The following ST8SIA5 variants were observed in gnomAD, a reference collection of about 807,000 sequenced individuals.
ST8SIA5 encodes alpha-2,8-sialyltransferase 8E.
ST8SIA5 carries 24 observed loss-of-function variants against 40.2 expected under a neutral mutation model. That is an observed-to-expected ratio of 0.60 (90% CI 0.43 to 0.84). The LOEUF (loss-of-function observed/expected upper bound fraction) is 0.84. ST8SIA5 is among the 40% of genes least tolerant of loss of function. ST8SIA5 has a pLI of 0.00. For synonymous variants in ST8SIA5, 198 were observed against 201.8 expected (o/e 0.98, Z 0.16); for missense variants, 465 against 498.5 (o/e 0.93, Z 0.64).
chr18:46,686,478 T>C (rs1285519662), intron 4 of ST8SIA5, among the ~76,000 whole-genome samples, 192 bp from the exon 5 acceptor site: 2 of 152,174 alleles, frequency 1.3e-5, no homozygotes, highest in African/African-American at 2.4e-5. Flanking sequence ...TACTATTAGA[T>C]GGCACCAAAG....
chr18:46,725,909 T>TC, intron 1 of ST8SIA5, among the ~76,000 whole-genome samples: 1 of 136,324 alleles, frequency 7.3e-6, no homozygotes, highest in Non-Finnish European at 1.5e-5. Flanking sequence ...TCACTTGAGG[T>TC]CAGGAGTTTG....
intron 1 of ST8SIA5, among the ~76,000 whole-genome samples, chr18:46,748,648 C>T (rs1439742227): frequency 6.6e-6 from 1 of 151,296 alleles, no homozygotes; most frequent in Non-Finnish European, 1.5e-5. Flanking sequence ...AAAGATGCTC[C>T]ACATCATTAG....
At chr18:46,743,111 A>C (rs1440270685) in intron 1 of ST8SIA5, among the ~76,000 whole-genome samples, 1 of 152,260 alleles carries the variant, frequency 6.6e-6, no homozygotes, top group Non-Finnish European at 1.5e-5. Flanking sequence ...GGGAGAAGCC[A>C]GAGCAGAAAA....
chr18:46,702,620 C>T (rs1242352325), intron 2 of ST8SIA5, among the ~76,000 whole-genome samples: 1 of 152,230 alleles, frequency 6.6e-6, no homozygotes, highest in Non-Finnish European at 1.5e-5. Flanking sequence ...CTGGAGTCCT[C>T]CTGGCCTAGT....
At chr18:46,746,134 G>T (rs2040137994) in intron 1 of ST8SIA5, among the ~76,000 whole-genome samples, 1 of 152,152 alleles carries the variant, frequency 6.6e-6, no homozygotes, top group Non-Finnish European at 1.5e-5. Context: ...AAAACTGGGA[G>T]CATTCCCTTT....
intron 3 of ST8SIA5, 144 bp downstream of exon 3, chr18:46,692,025 T>C (rs1481598936): frequency 1.8e-5 from 14 of 777,168 alleles, no homozygotes; most frequent in Non-Finnish European, 2.8e-5. Context: ...TCTCCCCCAC[T>C]GCCCGGATTC....
rs1403227153 is a variant in ST8SIA5, at chr18:46,756,766, G to A, written c.-258C>T. ...CGGCCAGGGGCCTTCCCCACCCCCG[G>A]GTACCTTTACCTCCAGGCGCCGGTG... On this transcript the variant is annotated 5_prime_UTR_variant, in exon 1 of 7. Coordinates refer to ENST00000315087, the MANE Select transcript of ST8SIA5 (RefSeq NM_013305.6). The A allele has an allele frequency of 6.9e-6, 3 of 431,868 alleles. No individual in the cohort carries two copies. Among genetic ancestry groups the A allele is most frequent in the Non-Finnish European group, 1.2e-5 (3 of 246,808 alleles). The allele number at this position is 431,868 out of a possible 1,614,324, so 26.8% of individuals were successfully genotyped here.
chr18:46,672,701 TTG>T lies in ST8SIA5; in HGVS notation c.*7339_*7340del, dbSNP rs1374469085. The T allele has an allele frequency of 3.3e-5, 5 of 152,206 alleles. No homozygotes were observed. The highest frequency in any genetic ancestry group is 1.2e-4 in the African/African-American group (5 of 41,500). 9.4% of individuals were successfully genotyped at this position (152,206 alleles called of 1,614,324 possible). On this transcript the variant is annotated 3_prime_UTR_variant, in exon 7 of 7. Transcript: ENST00000315087. ...GACTTCTAAAAGATCAGCAAGGCTATTGTCTCTCAGGACATGCTGGCCAGGAC... is the reference window on the plus strand; with the variant it reads ...GACTTCTAAAAGATCAGCAAGGCTATTCTCTCAGGACATGCTGGCCAGGAC...
chr18:46,756,884 C>T lies in ST8SIA5; in HGVS notation c.-376G>A, dbSNP rs1355564168. 1 of 231,662 alleles carries T rather than the reference C, an allele frequency of 4.3e-6. No individual in the cohort carries two copies. The highest frequency in any genetic ancestry group is 8.4e-6 in the Non-Finnish European group (1 of 119,486). The allele number at this position is 231,662 out of a possible 1,614,324, so 14.4% of individuals were successfully genotyped here. A position where few individuals can be genotyped will look rare whatever the true frequency, so the allele number is the denominator to read the frequency against. On this transcript the variant is annotated 5_prime_UTR_variant, in exon 1 of 7. Coordinates refer to ENST00000315087, the MANE Select transcript of ST8SIA5 (RefSeq NM_013305.6). ...CGCCGAGGTGGCGGCCAATGGGGAG[C>T]AAGACCCGGGCTCCGTCCCCTGTGC...
At position 46,756,833 on chromosome 18, in the gene ST8SIA5, T is replaced by G. The variant is rs2040255530; in HGVS notation, c.-325A>C. Reference sequence around the variant, plus strand: ...TTCCCCGCGGAGGGGAGACGCCAGGTGCCACGAGCCGGAGGCGGCCCCTCC... The same window carrying G: ...TTCCCCGCGGAGGGGAGACGCCAGGGGCCACGAGCCGGAGGCGGCCCCTCC... On this transcript the variant is annotated 5_prime_UTR_variant, in exon 1 of 7. Coordinates refer to ENST00000315087, the MANE Select transcript of ST8SIA5 (RefSeq NM_013305.6). 3.5e-6 allele frequency: 1 copy of G among 286,496 alleles called. No individual in the cohort carries two copies. The highest frequency in any genetic ancestry group is 6.5e-6 in the Non-Finnish European group (1 of 154,724). The allele number at this position is 286,496 out of a possible 1,614,324, so 17.7% of individuals were successfully genotyped here.
intron 5 of ST8SIA5, among the ~76,000 whole-genome samples, chr18:46,682,837 T>C (rs1164915295): frequency 2.0e-5 from 3 of 152,122 alleles, no homozygotes; most frequent in Non-Finnish European, 4.4e-5. Flanking sequence ...TGAAAGATAC[T>C]CCACTGTGGG....
chr18:46,711,094 C>T (rs936128592), intron 1 of ST8SIA5, among the ~76,000 whole-genome samples: 2 of 152,162 alleles, frequency 1.3e-5, no homozygotes, highest in Non-Finnish European at 2.9e-5. Flanking sequence ...GTTAGAGACA[C>T]CACTAGCCCA....
chr18:46,726,719 C>T (rs1338220058), intron 1 of ST8SIA5, among the ~76,000 whole-genome samples: 1 of 152,004 alleles, frequency 6.6e-6, no homozygotes, highest in Admixed American at 6.6e-5. Context: ...GAGTTCAAGA[C>T]CAACCTGGCC....
At chr18:46,733,082 G>A (rs1341281227) in intron 1 of ST8SIA5, among the ~76,000 whole-genome samples, 1 of 152,110 alleles carries the variant, frequency 6.6e-6, no homozygotes, top group Non-Finnish European at 1.5e-5. Flanking sequence ...ACAGCCCAGG[G>A]GGTCCACGGC....
intron 5 of ST8SIA5, chr18:46,685,815 G>T: frequency 3.9e-6 from 1 of 255,010 alleles, no homozygotes; most frequent in Non-Finnish European, 7.8e-6. Flanking sequence ...TCTGCCACAA[G>T]GCTTCCCTGG....
chr18:46,740,989 T>C (rs983905152), intron 1 of ST8SIA5, among the ~76,000 whole-genome samples: 2 of 152,104 alleles, frequency 1.3e-5, no homozygotes, highest in East Asian at 3.9e-4. Flanking sequence ...CATTAGAAAA[T>C]AGAAAGACTG....
intron 4 of ST8SIA5, 136 bp downstream of exon 4, chr18:46,688,639 G>T: frequency 1.7e-6 from 2 of 1,154,522 alleles, no homozygotes; most frequent in East Asian, 2.5e-5. Context: ...TCAGACAACT[G>T]GTCAACCAGG....
chr18:46,684,604 G>A (rs2039427808), intron 5 of ST8SIA5, among the ~76,000 whole-genome samples: 1 of 152,164 alleles, frequency 6.6e-6, no homozygotes, highest in Non-Finnish European at 1.5e-5. Context: ...CCTGTGGACA[G>A]AACCACTATA....
intron 5 of ST8SIA5, 44 bp downstream of exon 5, chr18:46,686,130 G>T: frequency 1.9e-6 from 3 of 1,573,492 alleles, no homozygotes; most frequent in Non-Finnish European, 2.6e-6. Context: ...ATGGAGGAGA[G>T]GGCCATGGGG....
Sources: gnomAD v4.1 joint callset for allele counts (sites outside exome capture counted in the v4.1 genomes callset) on GRCh38, gnomAD v4.1.1 for gene constraint, MANE v1.5 for transcripts, NCBI Gene and HGNC (gene_info 2026-07-23, HGNC 2026-07-21) for gene names.